Variants in FBXL16 observed in about 807,000 individuals in gnomAD.
FBXL16 encodes the protein F-box/LRR-repeat protein 16.
A neutral mutation model predicts 36.7 loss-of-function variants in FBXL16; 7 were observed. That is an observed-to-expected ratio of 0.19 (90% CI 0.11 to 0.36). The LOEUF is 0.36. Ranked by LOEUF, FBXL16 falls within the 10% of genes least tolerant of loss-of-function variation. FBXL16 has a pLI of 1.00. For synonymous variants in FBXL16, 355 were observed against 308.7 expected (o/e 1.15, Z -1.57); for missense variants, 463 against 659.4 (o/e 0.70, Z 3.26).
chr16:705,093 G>A (rs1283761930), intron 1 of FBXL16, among the ~76,000 whole-genome samples: 1 of 152,124 alleles, frequency 6.6e-6, no homozygotes, highest in Non-Finnish European at 1.5e-5. Flanking sequence ...CCCGGGGAGG[G>A]CCGCCCCTCA....
chr16:705,102 C>T (rs1433076143), intron 1 of FBXL16, among the ~76,000 whole-genome samples: 1 of 152,146 alleles, frequency 6.6e-6, no homozygotes, highest in Non-Finnish European at 1.5e-5. Context: ...GGCCGCCCCT[C>T]AGGCCGCACA....
Position 695,636 on chromosome 16 carries a change from G to A in FBXL16, c.921C>T (p.Ile307=), listed in dbSNP as rs1387377738. The A allele has an allele frequency of 1.2e-6, 2 of 1,606,502 alleles. No individual in the cohort carries two copies. Among genetic ancestry groups the A allele is most frequent in the East Asian group, 2.2e-5 (1 of 44,798 alleles). ...HTLRLLSCWE[I]TNHGVVNVVH... ...CCACGTTGACCACGCCGTGGTTGGT[G>A]ATCTCCCAGCAGGAGAGCAGGCGCA... Residue 307 remains isoleucine, a synonymous_variant, in exon 3 of 6, where the codon ATC becomes ATT. Transcript: ENST00000397621.
At chr16:694,477 G>T in intron 5 of FBXL16, 54 bp from the exon 6 acceptor site, 1 of 1,504,578 alleles carries the variant, frequency 6.6e-7, no homozygotes, top group Non-Finnish European at 8.9e-7. Context: ...CTCGGGCGGG[G>T]ACGGCCGGGC....
At position 705,711 on chromosome 16, in the gene FBXL16, G is replaced by C. The variant is rs2040088542; in HGVS notation, c.-214C>G. The C allele has an allele frequency of 6.7e-6, 1 of 148,604 alleles. No homozygotes were observed. 9.2% of individuals were successfully genotyped at this position (148,604 alleles called of 1,614,324 possible). On this transcript the variant is annotated 5_prime_UTR_variant, in exon 1 of 6. It adds an upstream start codon to the 5' untranslated region. Transcript: ENST00000397621. ...GGAAAGGAGCTCCCCGGTGGGAGAG[G>C]ATCGGCCGCCCCAAGCCTCCCACCG...
chr16:701,974 G>T (rs891698071), intron 1 of FBXL16, among the ~76,000 whole-genome samples: 1 of 152,174 alleles, frequency 6.6e-6, no homozygotes, highest in Non-Finnish European at 1.5e-5. Flanking sequence ...GCTGGGGAGA[G>T]GTGGCCGTGG....
At position 705,594 on chromosome 16, in the gene FBXL16, C is replaced by G. The variant is rs2040087450; in HGVS notation, c.-97G>C. The G allele has an allele frequency of 6.7e-6, 1 of 149,838 alleles. No homozygotes were observed. Among genetic ancestry groups the G allele is most frequent in the East Asian group, 2.0e-4 (1 of 5,098 alleles). The allele number at this position is 149,838 out of a possible 1,614,324, so 9.3% of individuals were successfully genotyped here. A position where few individuals can be genotyped will look rare whatever the true frequency, so the allele number is the denominator to read the frequency against. ...GGAGCCCGGCATGGGCGTCGGCGCG[C>G]GGGGGCCGCCGGGGTGCTGGACTGG... On this transcript the variant is annotated 5_prime_UTR_variant, in exon 1 of 6. Coordinates refer to ENST00000397621, the MANE Select transcript of FBXL16 (RefSeq NM_153350.4).
Position 697,504 on chromosome 16 carries a change from C to T in FBXL16, c.-14-85G>A. Reference sequence around the variant, plus strand: ...GGGGGCGGGTGCAGTGGGGCTCCTTCCCTCCTTGGGCGTCCCTATGGTGCT... The same window carrying T: ...GGGGGCGGGTGCAGTGGGGCTCCTTTCCTCCTTGGGCGTCCCTATGGTGCT... On this transcript the variant is annotated intron_variant, in intron 1 of 5. Transcript: ENST00000397621. This position sits in a 1 kb window ranked among gnomAD's most constrained non-coding sequence, Gnocchi z 4.6. The T allele has an allele frequency of 6.9e-7, 1 of 1,444,576 alleles. No homozygotes were observed. The highest frequency in any genetic ancestry group is 2.5e-5 in the East Asian group (1 of 39,316). The allele number at this position is 1,444,576 out of a possible 1,614,324, so 89.5% of individuals were successfully genotyped here. A position where few individuals can be genotyped will look rare whatever the true frequency, so the allele number is the denominator to read the frequency against.
In FBXL16 at chr16:694,749, G is replaced by T. The variant is rs764392612; in HGVS notation, c.1228-52C>A. Reference sequence around the variant, plus strand: ...CGATTTCCGCTCGCACCGAGGCGGAGGGCACCCTGGGGTCCATGGAGGGCT... The same window carrying T: ...CGATTTCCGCTCGCACCGAGGCGGATGGCACCCTGGGGTCCATGGAGGGCT... On this transcript the variant is annotated intron_variant, in intron 4 of 5. Coordinates refer to ENST00000397621, the MANE Select transcript of FBXL16 (RefSeq NM_153350.4). The T allele has an allele frequency of 2.0e-6, 3 of 1,529,368 alleles. No homozygotes were observed. The African/African-American group carries it at 4.1e-5, about 21-fold the overall frequency. 94.7% of individuals were successfully genotyped at this position (1,529,368 alleles called of 1,614,324 possible).
intron 4 of FBXL16, 42 bp downstream of exon 4, chr16:694,950 C>T: frequency 6.7e-7 from 1 of 1,502,260 alleles, no homozygotes; most frequent in East Asian, 2.3e-5. Context: ...GCGCCCCCAC[C>T]TCCCCGCCGA....
chr16:694,840 T>TG lies in FBXL16; in HGVS notation c.1228-144dup. 4.0e-6 allele frequency: 5 copies of TG among 1,261,646 alleles called. No individual in the cohort carries two copies. In the South Asian group the frequency reaches 5.6e-5, roughly 14 times the overall value. The allele number at this position is 1,261,646 out of a possible 1,614,324, so 78.2% of individuals were successfully genotyped here. A position where few individuals can be genotyped will look rare whatever the true frequency, so the allele number is the denominator to read the frequency against. ...CCGGGAGGCGGCTGGGAAGTGCTCG[T>TG]GGGGGCCGCCGGGACCCCTGCGTTC... On this transcript the variant is annotated intron_variant, in intron 4 of 5. Coordinates refer to ENST00000397621, the MANE Select transcript of FBXL16 (RefSeq NM_153350.4).
chr16:704,008 C>G (rs1215261033), intron 1 of FBXL16, among the ~76,000 whole-genome samples: 1 of 152,258 alleles, frequency 6.6e-6, no homozygotes, highest in Non-Finnish European at 1.5e-5. Flanking sequence ...GCCAGTTTGG[C>G]CGTTGACTCC....
chr16:695,314 G>A, intron 3 of FBXL16, 101 bp downstream of exon 3: 1 of 1,065,872 alleles, frequency 9.4e-7, no homozygotes, highest in Non-Finnish European at 1.2e-6. Context: ...CCCCAGCCCC[G>A]CCGGAAGCCC....
intron 1 of FBXL16, among the ~76,000 whole-genome samples, chr16:705,042 G>A (rs1281956862): frequency 2.6e-5 from 4 of 152,094 alleles, no homozygotes; most frequent in Non-Finnish European, 5.9e-5. Flanking sequence ...TCCTCCCGCG[G>A]GCAGTAGCTC....
intron 5 of FBXL16, 33 bp downstream of exon 5, chr16:694,601 C>G (rs781219083): frequency 1.3e-6 from 2 of 1,594,978 alleles, no homozygotes; most frequent in Non-Finnish European, 1.7e-6. Context: ...TGGGTGGTCA[C>G]TGCCAGCGTC....
chr16:695,334 G>C, intron 3 of FBXL16, 81 bp downstream of exon 3: 1 of 1,052,930 alleles, frequency 9.5e-7, no homozygotes, highest in Non-Finnish European at 1.2e-6. Flanking sequence ...CCCGCCCCCG[G>C]CCCCGTGCAG....
chr16:701,627 G>A (rs769599133), intron 1 of FBXL16, among the ~76,000 whole-genome samples: 2 of 152,004 alleles, frequency 1.3e-5, no homozygotes, highest in Non-Finnish European at 2.9e-5. Context: ...CAGCCAGACG[G>A]TCACCAAGGA....
chr16:693,980 T>TG lies in FBXL16; in HGVS notation c.*294dup, dbSNP rs3833954. On this transcript the variant is annotated 3_prime_UTR_variant, in exon 6 of 6. Coordinates refer to ENST00000397621, the MANE Select transcript of FBXL16 (RefSeq NM_153350.4). ...CGAGTGATGGCGGCGGCTGTGGCTG[T>TG]GGCGTGGCGGAGGGCGGCGTGCAGT... The TG allele has an allele frequency of 0.41, 71,292 of 173,232 alleles. 19,352 individuals carry two copies. Among genetic ancestry groups the TG allele is most frequent in the African/African-American group, 0.76 (31,976 of 41,880 alleles). The allele number at this position is 173,232 out of a possible 1,614,324, so 10.7% of individuals were successfully genotyped here.
rs531559282 is a variant in FBXL16, at chr16:704,054, C to G, written c.-15+1458G>C. 3.9e-3 allele frequency among the ~76,000 whole-genome samples: 588 copies of G among 152,374 alleles called. 3 individuals carry two copies. The highest frequency in any genetic ancestry group is 0.013 in the African/African-American group (549 of 41,594). On this transcript the variant is annotated intron_variant, in intron 1 of 5. Transcript: ENST00000397621. ...CTGGTGGGGAAGGCTCAGTCACCTG[C>G]TCACCCACAGAGCTCCCTTCACTGC...
intron 1 of FBXL16, among the ~76,000 whole-genome samples, chr16:702,554 T>C (rs1417649827): frequency 1.3e-5 from 2 of 152,154 alleles, no homozygotes; most frequent in African/African-American, 4.8e-5. Context: ...GGAATGTGGC[T>C]CCGCTAGCTC....
Sources: allele counts gnomAD v4.1 joint callset (sites outside exome capture counted in the v4.1 genomes callset), GRCh38; gene constraint gnomAD v4.1.1; non-coding constraint Gnocchi (gnomAD v3.1); transcripts MANE v1.5; gene names NCBI Gene and HGNC (gene_info 2026-07-23, HGNC 2026-07-21).